NFIB: variants seen among roughly 807,000 people sequenced by gnomAD.
The protein encoded by NFIB is nuclear factor 1 B-type.
In NFIB, 11 loss-of-function variants were observed where a neutral mutation model predicts 61.5. The observed-to-expected ratio is 0.18, with a 90% CI of 0.11 to 0.30. The LOEUF (loss-of-function observed/expected upper bound fraction) is 0.30, where lower values mean the gene tolerates loss of function less well. NFIB is among the 10% of genes least tolerant of loss of function. The probability of loss-of-function intolerance (pLI) is 1.00; values close to 1 mark genes in which losing one functional copy is unlikely to be tolerated. For synonymous variants in NFIB, 260 were observed against 216.5 expected, an observed-to-expected ratio of 1.20 and a Z score of -1.76; for missense variants, 471 against 608.9, an observed-to-expected ratio of 0.77 and a Z score of 2.38.
chr9:14,289,346 A>C (rs1371963550), intron 2 of NFIB, among the ~76,000 whole-genome samples: 1 of 151,514 alleles, frequency 6.6e-6, no homozygotes, highest in Admixed American at 6.6e-5. Context: ...TATAGAGAAC[A>C]AGGGGAAAAG....
intron 6 of NFIB, among the ~76,000 whole-genome samples, chr9:14,144,034 T>TGTGTGTGTG (rs1244512516): frequency 2.1e-5 from 1 of 48,256 alleles, no homozygotes; most frequent in Non-Finnish European, 4.6e-5. Flanking sequence ...GTGTGTGTGT[T>TGTGTGTGTG]TAAAATGCAC....
chr9:14,230,465 T>C (rs1210676967), intron 2 of NFIB, among the ~76,000 whole-genome samples: 2 of 152,204 alleles, frequency 1.3e-5, no homozygotes, highest in Admixed American at 1.3e-4. Flanking sequence ...CAAGGAAGAC[T>C]TCTTTGTTGA....
intron 2 of NFIB, among the ~76,000 whole-genome samples, chr9:14,297,051 C>T (rs975554413): frequency 2.1e-4 from 32 of 152,220 alleles, no homozygotes; most frequent in Non-Finnish European, 4.7e-4. Context: ...CACACACACA[C>T]CCAAGTTGGA....
At chr9:14,218,259 A>AT (rs958248896) in intron 2 of NFIB, among the ~76,000 whole-genome samples, 2 of 151,968 alleles carry the variant, frequency 1.3e-5, no homozygotes, top group Admixed American at 6.6e-5. Context: ...AAATAAAATG[A>AT]TTTTTTTTAA....
intron 1 of NFIB, among the ~76,000 whole-genome samples, chr9:14,379,724 C>T (rs1248548088): frequency 6.6e-6 from 1 of 151,838 alleles, no homozygotes; most frequent in African/African-American, 2.4e-5. Context: ...CTCTTGTCGC[C>T]CAGGCTGGAG....
At chr9:14,282,956 C>G (rs1250230903) in intron 2 of NFIB, among the ~76,000 whole-genome samples, 3 of 152,136 alleles carry the variant, frequency 2.0e-5, no homozygotes, top group Non-Finnish European at 2.9e-5. Context: ...TTAAATAAAA[C>G]ATGCTATGTG....
intron 10 of NFIB, 65 bp downstream of exon 10, chr9:14,112,934 C>A: frequency 6.8e-7 from 1 of 1,471,894 alleles, no homozygotes; most frequent in South Asian, 1.2e-5. Context: ...ATCTGAGAGG[C>A]AACATGGAGA....
At chr9:14,277,338 CACACAG>C (rs2058068723) in intron 2 of NFIB, among the ~76,000 whole-genome samples, 1 of 42,630 alleles carries the variant, frequency 2.3e-5, no homozygotes. Context: ...CGTGCACGCA[CACACAG>C]ACACACACAC....
chr9:14,280,625 G>A (rs1285476318), intron 2 of NFIB, among the ~76,000 whole-genome samples: 1 of 152,142 alleles, frequency 6.6e-6, no homozygotes, highest in African/African-American at 2.4e-5. Context: ...CCTGTAACAA[G>A]TAGCTCCCAG....
chr9:14,151,149 G>T (rs980112826), intron 4 of NFIB, among the ~76,000 whole-genome samples: 3 of 152,080 alleles, frequency 2.0e-5, no homozygotes, highest in African/African-American at 7.2e-5. Context: ...TTTTGAGGAT[G>T]AAATGAAATA....
At chr9:14,348,679 G>T (rs919760818) in intron 1 of NFIB, among the ~76,000 whole-genome samples, 1 of 152,234 alleles carries the variant, frequency 6.6e-6, no homozygotes, top group African/African-American at 2.4e-5. Context: ...TGGCTCTGGG[G>T]GTGCCACGCG....
intron 2 of NFIB, among the ~76,000 whole-genome samples, chr9:14,192,990 A>G (rs929913301): frequency 6.6e-6 from 1 of 152,058 alleles, no homozygotes; most frequent in African/African-American, 2.4e-5. Context: ...TTAAAAACCA[A>G]TAGATTTCAC....
chr9:14,324,158 A>G (rs1010526345), intron 1 of NFIB, among the ~76,000 whole-genome samples: 1 of 152,172 alleles, frequency 6.6e-6, no homozygotes, highest in African/African-American at 2.4e-5. Context: ...TATTGTAACC[A>G]CTTAGCGAGT....
the NFIB span, among the ~76,000 whole-genome samples, chr9:14,514,384 G>A: frequency 1.3e-5 from 2 of 150,402 alleles, no homozygotes; most frequent in Admixed American, 6.7e-5. Flanking sequence ...CACCCGCTTG[G>A]CTCTTTTCCA....
At chr9:14,427,949 T>G in the NFIB span, among the ~76,000 whole-genome samples, 23 of 90,072 alleles carry the variant, frequency 2.6e-4, no homozygotes, top group East Asian at 6.8e-4. Flanking sequence ...TTTTTTTTTT[T>G]TTTTTTTTTT....
In NFIB at chr9:14,160,306, C is replaced by G. The variant is rs370621143; in HGVS notation, c.617-4413G>C. ...AAACAATAACAGAGGGACACAATGGCATATCTAACTGTTAATATCTCAAAT... is the reference window on the plus strand; with the variant it reads ...AAACAATAACAGAGGGACACAATGGGATATCTAACTGTTAATATCTCAAAT... On this transcript the variant is annotated intron_variant, in intron 3 of 10. Transcript: ENST00000380953. Among the ~76,000 whole-genome samples the G allele has an allele frequency of 3.3e-5, 5 of 152,184 alleles. No homozygotes were observed. In the East Asian group the frequency reaches 9.7e-4, roughly 29 times the overall value.
Position 14,272,887 on chromosome 9 carries a change from A to T in NFIB, c.562+34102T>A, listed in dbSNP as rs79798370. On this transcript the variant is annotated intron_variant, in intron 2 of 10. Coordinates refer to ENST00000380953, the MANE Select transcript of NFIB (RefSeq NM_001190737.2). ...AATTTTGTGTTAGAGTCTAATGCTG[A>T]GTTGATTTATGTAAATGTGTTACTT... 8.9e-3 allele frequency among the ~76,000 whole-genome samples: 1,354 copies of T among 152,260 alleles called. 28 individuals are homozygous for T. Among genetic ancestry groups the T allele is most frequent in the African/African-American group, 0.031 (1,275 of 41,546 alleles).
At chr9:14,168,222 C>A (rs561155076) in intron 3 of NFIB, among the ~76,000 whole-genome samples, 1 of 152,240 alleles carries the variant, frequency 6.6e-6, no homozygotes, top group Admixed American at 6.5e-5. Context: ...TAAGCCTCTG[C>A]TTCATAAATC....
the NFIB span, among the ~76,000 whole-genome samples, chr9:14,457,101 G>A: frequency 1.3e-5 from 2 of 152,290 alleles, no homozygotes; most frequent in East Asian, 1.9e-4. Flanking sequence ...TGTACTGTAT[G>A]CTGCCATTGA....
Sources: allele counts gnomAD v4.1 joint callset (sites outside exome capture counted in the v4.1 genomes callset), GRCh38; gene constraint gnomAD v4.1.1; transcripts MANE v1.5; gene names NCBI Gene and HGNC (gene_info 2026-07-23, HGNC 2026-07-21).